The following CBL variants were observed in gnomAD, a reference collection of about 807,000 sequenced individuals.
CBL encodes E3 ubiquitin-protein ligase CBL.
CBL carries 45 observed loss-of-function variants against 96.9 expected under a neutral mutation model. That is an observed-to-expected ratio of 0.46 (90% CI 0.37 to 0.60). The LOEUF (loss-of-function observed/expected upper bound fraction) is 0.60, where lower values mean the gene tolerates loss of function less well. CBL is among the 20% of genes least tolerant of loss of function. The pLI is 0.00. For synonymous variants in CBL, 420 were observed against 426.8 expected, an observed-to-expected ratio of 0.98 and a Z score of 0.20; for missense variants, 1,024 against 1,143.5, an observed-to-expected ratio of 0.90 and a Z score of 1.51.
chr11:119,273,019 C>T (rs1321489301), intron 3 of CBL, among the ~76,000 whole-genome samples: 1 of 151,118 alleles, frequency 6.6e-6, no homozygotes, highest in East Asian at 1.9e-4. Context: ...ACTCTCTTGC[C>T]TAGTCTGGTG....
At chr11:119,239,167 C>T (rs1158756445) in intron 2 of CBL, among the ~76,000 whole-genome samples, 1 of 152,016 alleles carries the variant, frequency 6.6e-6, no homozygotes, top group East Asian at 1.9e-4. Context: ...CACGAGGTTT[C>T]GTCGTGTTGC....
intron 2 of CBL, among the ~76,000 whole-genome samples, chr11:119,236,722 C>T (rs1949549841): frequency 2.0e-5 from 3 of 151,432 alleles, no homozygotes; most frequent in Admixed American, 6.6e-5. Flanking sequence ...TTTTTCTTTC[C>T]CCTAGCAATG....
At chr11:119,292,618 T>A (rs1190821611) in intron 12 of CBL, among the ~76,000 whole-genome samples, 1 of 152,058 alleles carries the variant, frequency 6.6e-6, no homozygotes, top group African/African-American at 2.4e-5. Context: ...GAGACGGGGT[T>A]TCACCACGTT....
chr11:119,252,449 A>C (rs1949675982), intron 2 of CBL, among the ~76,000 whole-genome samples: 1 of 152,224 alleles, frequency 6.6e-6, no homozygotes, highest in African/African-American at 2.4e-5. Flanking sequence ...ACTTAGGGAA[A>C]GAAAATCTTC....
intron 9 of CBL, 133 bp from the exon 10 acceptor site, chr11:119,284,836 G>A (rs1949967539): frequency 6.6e-6 from 7 of 1,054,360 alleles, no homozygotes; most frequent in Admixed American, 3.5e-5. Context: ...GGGTGTGTGC[G>A]ACCTCAAACC....
In CBL at chr11:119,304,335, T is replaced by C. The variant is rs561820145; in HGVS notation, c.*4554T>C. On this transcript the variant is annotated 3_prime_UTR_variant, in exon 16 of 16. Coordinates refer to ENST00000264033, the MANE Select transcript of CBL (RefSeq NM_005188.4). ...GGATAGTGAAGGACGGTCAAGGTTA[T>C]ATTTTTGACTGCTTAGGGATTCTTT... The C allele has an allele frequency of 4.3e-6, 1 of 233,284 alleles. No homozygotes were observed. Among genetic ancestry groups the C allele is most frequent in the Non-Finnish European group, 8.5e-6 (1 of 118,068 alleles). 14.5% of individuals were successfully genotyped at this position (233,284 alleles called of 1,614,324 possible). A position where few individuals can be genotyped will look rare whatever the true frequency, so the allele number is the denominator to read the frequency against.
intron 6 of CBL, among the ~76,000 whole-genome samples, chr11:119,276,392 C>G (rs190661402): frequency 1.3e-5 from 2 of 152,298 alleles, no homozygotes; most frequent in African/African-American, 4.8e-5. Context: ...CAAATGTTAA[C>G]TTATTTTCAA....
At chr11:119,271,986 A>T in intron 3 of CBL, 105 bp downstream of exon 3, 3 of 1,054,646 alleles carry the variant, frequency 2.8e-6, no homozygotes, top group Non-Finnish European at 4.3e-6. Context: ...ACTCTGAGAA[A>T]AGTAATATAT....
chr11:119,260,435 G>A (rs1949746205), intron 2 of CBL, among the ~76,000 whole-genome samples: 1 of 151,652 alleles, frequency 6.6e-6, no homozygotes, highest in African/African-American at 2.4e-5. Flanking sequence ...GTAGAGATGG[G>A]GTTTTACCAT....
chr11:119,251,319 T>G (rs1340591676), intron 2 of CBL, among the ~76,000 whole-genome samples: 2 of 152,190 alleles, frequency 1.3e-5, no homozygotes, highest in African/African-American at 4.8e-5. Flanking sequence ...AGAGTTAGAT[T>G]AACATACGTT....
Position 119,232,495 on chromosome 11 carries a change from A to G in CBL, c.243A>G (p.Pro81=), listed in dbSNP as rs863224399. The G allele has an allele frequency of 1.9e-6, 3 of 1,614,036 alleles. No homozygotes were observed. The highest frequency in any genetic ancestry group is 1.7e-6 in the Non-Finnish European group (2 of 1,179,936). The change falls in exon 2 of 16, where the codon CCA becomes CCG. Residue 81 remains proline (P), a synonymous_variant. Transcript: ENST00000264033. Reference sequence around the variant, plus strand: ...CAAAGCTGGCGCTAAAGAATAGCCCACCTTATATCTTAGACCTGCTACCAG... The same window carrying G: ...CAAAGCTGGCGCTAAAGAATAGCCCGCCTTATATCTTAGACCTGCTACCAG... The part of the protein sequence containing the change: ...QNPKLALKNS[P]PYILDLLPDT...
intron 2 of CBL, among the ~76,000 whole-genome samples, chr11:119,247,845 A>G (rs1403867273): frequency 6.6e-6 from 1 of 152,150 alleles, no homozygotes; most frequent in Non-Finnish European, 1.5e-5. Flanking sequence ...ATAAGGAATG[A>G]ACAATCCAAA....
intron 12 of CBL, chr11:119,289,811 TA>T (rs1361699943): frequency 6.6e-6 from 1 of 152,224 alleles, no homozygotes; most frequent in Admixed American, 6.5e-5. Flanking sequence ...GGCTCAATCA[TA>T]GCTCACTGCA....
In CBL at chr11:119,301,929, C is replaced by T. The variant is rs78788035; in HGVS notation, c.*2148C>T. The T allele has an allele frequency of 4.3e-6, 1 of 233,042 alleles. No homozygotes were observed. Among genetic ancestry groups the T allele is most frequent in the Non-Finnish European group, 8.5e-6 (1 of 118,024 alleles). The allele number at this position is 233,042 out of a possible 1,614,324, so 14.4% of individuals were successfully genotyped here. A position where few individuals can be genotyped will look rare whatever the true frequency, so the allele number is the denominator to read the frequency against. ...AAAAAAAGCAGTTTCCAGGCCCATC[C>T]ATATTGTAATTTTTCTTTATCTGCA... On this transcript the variant is annotated 3_prime_UTR_variant, in exon 16 of 16. Transcript: ENST00000264033.
intron 2 of CBL, among the ~76,000 whole-genome samples, chr11:119,245,743 AAAAG>A (rs1949622999): frequency 6.6e-6 from 1 of 152,032 alleles, no homozygotes; most frequent in Admixed American, 6.6e-5. Flanking sequence ...AAACAAACAA[AAAAG>A]AAATAGAGAC....
At chr11:119,272,524 G>A (rs529284388) in intron 3 of CBL, among the ~76,000 whole-genome samples, 5 of 152,252 alleles carry the variant, frequency 3.3e-5, no homozygotes, top group South Asian at 2.1e-4. Flanking sequence ...ATTTACATAC[G>A]CAGGAGTGGA....
At chr11:119,299,218 A>G (rs1238979613) in intron 15 of CBL, among the ~76,000 whole-genome samples, 1 of 152,220 alleles carries the variant, frequency 6.6e-6, no homozygotes, top group Admixed American at 6.5e-5. Context: ...GTGCACAAAC[A>G]TGTTGCTTAG....
At chr11:119,297,539 A>C (rs1950072952) in intron 14 of CBL, 58 bp downstream of exon 14, 3 of 1,266,160 alleles carry the variant, frequency 2.4e-6, no homozygotes, top group Admixed American at 3.4e-5. Context: ...ATGAACATGT[A>C]ATATTTGGCA....
intron 2 of CBL, among the ~76,000 whole-genome samples, chr11:119,249,174 AAAGTAG>A (rs1370881017): frequency 5.3e-5 from 8 of 152,234 alleles, no homozygotes; most frequent in Non-Finnish European, 1.2e-4. Context: ...CAACAGCCAA[AAAGTAG>A]AAGCAGTTCA....
Sources: gnomAD v4.1 joint callset for allele counts (sites outside exome capture counted in the v4.1 genomes callset) on GRCh38, gnomAD v4.1.1 for gene constraint, MANE v1.5 for transcripts, NCBI Gene and HGNC (gene_info 2026-07-23, HGNC 2026-07-21) for gene names.